The following DCPS variants were observed in gnomAD, a reference collection of about 807,000 sequenced individuals.
The protein encoded by DCPS is decapping enzyme, scavenger.
Under a neutral mutation model 34.7 loss-of-function variants are expected in DCPS, and 27 were observed. That is an observed-to-expected ratio of 0.78 (90% CI 0.57 to 1.07). DCPS has a LOEUF of 1.07. Among genes scored for constraint, DCPS ranks in the 50% least tolerant of loss-of-function variants. The pLI, the probability that DCPS is intolerant of heterozygous loss-of-function variation, is 0.00. For missense variants in DCPS, 464 were observed against 436.9 expected (o/e 1.06, Z -0.55); for synonymous variants, 185 against 185.7 (o/e 1.00, Z 0.03).
chr11:126,347,886 A>T lies in DCPS; in HGVS notation c.*2273A>T, dbSNP rs1951951669. Among the ~76,000 whole-genome samples the T allele has an allele frequency of 6.6e-6, 1 of 152,074 alleles. No homozygotes were observed. The highest frequency in any genetic ancestry group is 2.4e-5 in the African/African-American group (1 of 41,410). ...AGCAAACACGGTCTCCATCTCCAGC[A>T]CCACAACTGCCACGGAGCAGAGGGA... On this transcript the variant is annotated 3_prime_UTR_variant, in exon 6 of 6. Transcript: ENST00000263579. This position sits in a 1 kb window ranked among gnomAD's most constrained non-coding sequence, Gnocchi z 4.2.
At position 126,322,190 on chromosome 11, in the gene DCPS, A is replaced by G. The variant is rs927903220; in HGVS notation, c.377-9215A>G. Reference sequence around the variant, plus strand: ...CATCAGGGCATTGGAGACAGAAGAAAACAGGTCACAAAGAACTGGGCATCA... The same window carrying G: ...CATCAGGGCATTGGAGACAGAAGAAGACAGGTCACAAAGAACTGGGCATCA... On this transcript the variant is annotated intron_variant, in intron 2 of 5. Coordinates refer to ENST00000263579, the MANE Select transcript of DCPS (RefSeq NM_014026.6). This position sits in a 1 kb window ranked among gnomAD's most constrained non-coding sequence, Gnocchi z 4.2. 7.9e-5 allele frequency among the ~76,000 whole-genome samples: 12 copies of G among 152,222 alleles called. No homozygotes were observed. Among genetic ancestry groups the G allele is most frequent in the African/African-American group, 2.9e-4 (12 of 41,468 alleles).
chr11:126,330,825 C>T (rs1951783970), intron 2 of DCPS, among the ~76,000 whole-genome samples: 1 of 144,822 alleles, frequency 6.9e-6, no homozygotes, highest in Non-Finnish European at 1.5e-5. Flanking sequence ...CAACCTCTGC[C>T]TCCCAGGTTC....
chr11:126,306,387 G>C (rs1183100064), intron 1 of DCPS, among the ~76,000 whole-genome samples, 183 bp from the exon 2 acceptor site: 1 of 151,916 alleles, frequency 6.6e-6, no homozygotes. Context: ...AAAAAAAGAT[G>C]CCTTCTCTGA....
intron 2 of DCPS, among the ~76,000 whole-genome samples, chr11:126,324,013 G>A (rs1301429743): frequency 6.6e-6 from 1 of 151,892 alleles, no homozygotes; most frequent in Non-Finnish European, 1.5e-5. Flanking sequence ...TTGTGTTTTT[G>A]TAGAGATGGG....
Position 126,305,613 on chromosome 11 carries a change from G to T in DCPS, c.202-957G>T, listed in dbSNP as rs2135306537. Among the ~76,000 whole-genome samples the T allele has an allele frequency of 3.3e-5, 5 of 150,788 alleles. No individual in the cohort carries two copies. The South Asian group carries it at 1.0e-3, about 32-fold the overall frequency. ...TTTTCGTATTTTTAGTAGAGACAGG[G>T]TTTCACCATGTTGGCCAGGCTGGTC... On this transcript the variant is annotated intron_variant, in intron 1 of 5. Transcript: ENST00000263579.
chr11:126,340,323 AT>A (rs1951866495), intron 4 of DCPS, among the ~76,000 whole-genome samples: 1 of 151,678 alleles, frequency 6.6e-6, no homozygotes, highest in Non-Finnish European at 1.5e-5. Context: ...CATTTGCTTA[AT>A]TCTTTTTTTT....
chr11:126,308,626 C>T (rs1407645070), intron 2 of DCPS, among the ~76,000 whole-genome samples: 3 of 152,188 alleles, frequency 2.0e-5, no homozygotes, highest in Admixed American at 6.5e-5. Flanking sequence ...CAGAAGGCAC[C>T]GTGGCCAAAC....
In DCPS at chr11:126,328,655, G is replaced by C. The variant is rs11220453; in HGVS notation, c.377-2750G>C. 0.01 allele frequency among the ~76,000 whole-genome samples: 1,535 copies of C among 152,228 alleles called. 24 individuals are homozygous for C. The highest frequency in any genetic ancestry group is 0.035 in the African/African-American group (1,435 of 41,532). ...AGCAGCCAGGAGCCCCAGGCTGGGA[G>C]CCCGGCTGGGTGACCCTGCCCGCAG... On this transcript the variant is annotated intron_variant, in intron 2 of 5. Coordinates refer to ENST00000263579, the MANE Select transcript of DCPS (RefSeq NM_014026.6). This position sits in a 1 kb window ranked among gnomAD's most constrained non-coding sequence, Gnocchi z 6.6.
At position 126,339,412 on chromosome 11, in the gene DCPS, G is replaced by A. The variant is rs147907117; in HGVS notation, c.636+1013G>A. Among the ~76,000 whole-genome samples the A allele has an allele frequency of 9.2e-4, 140 of 152,358 alleles. 3 individuals carry two copies. In the East Asian group the frequency reaches 0.021, roughly 23 times the overall value. On this transcript the variant is annotated intron_variant, in intron 4 of 5. Coordinates refer to ENST00000263579, the MANE Select transcript of DCPS (RefSeq NM_014026.6). ...GCCCCTCCGCGGGCTCGCTCCCTGT[G>A]CTTTCCCAGTTGTGGCTGCCTATGA...
chr11:126,336,031 G>A lies in DCPS; in HGVS notation c.523-2255G>A, dbSNP rs528287248. On this transcript the variant is annotated intron_variant, in intron 3 of 5. Coordinates refer to ENST00000263579, the MANE Select transcript of DCPS (RefSeq NM_014026.6). This position sits in a 1 kb window ranked among gnomAD's most constrained non-coding sequence, Gnocchi z 6.3. ...TCCCAGCTACTGAGGCAAGAGAATCGCTTGAACCTGGGAGGCGGAGGTTGC... is the reference window on the plus strand; with the variant it reads ...TCCCAGCTACTGAGGCAAGAGAATCACTTGAACCTGGGAGGCGGAGGTTGC... Among the ~76,000 whole-genome samples the A allele has an allele frequency of 2.7e-5, 4 of 149,688 alleles. No individual in the cohort carries two copies. The highest frequency in any genetic ancestry group is 5.9e-5 in the Non-Finnish European group (4 of 67,752).
At position 126,311,013 on chromosome 11, in the gene DCPS, A is replaced by C. The variant is rs568922443; in HGVS notation, c.376+4269A>C. On this transcript the variant is annotated intron_variant, in intron 2 of 5. Coordinates refer to ENST00000263579, the MANE Select transcript of DCPS (RefSeq NM_014026.6). ...TTCTGGTATTCCTCTGGTCACTGGC[A>C]ACTTTCTTTTCCTCTTCAAGTCTGG... Among the ~76,000 whole-genome samples the C allele has an allele frequency of 3.0e-4, 46 of 152,068 alleles. No homozygotes were observed. The South Asian group carries it at 6.0e-3, about 20-fold the overall frequency.
rs1477234131 is a variant in DCPS, at chr11:126,327,822, C to T, written c.377-3583C>T. Among the ~76,000 whole-genome samples, 1 of 152,234 alleles carries T rather than the reference C, an allele frequency of 6.6e-6. No individual in the cohort carries two copies. Among genetic ancestry groups the T allele is most frequent in the East Asian group, 1.9e-4 (1 of 5,200 alleles). On this transcript the variant is annotated intron_variant, in intron 2 of 5. Transcript: ENST00000263579. This position sits in a 1 kb window ranked among gnomAD's most constrained non-coding sequence, Gnocchi z 4.1. ...CTGAGTGCTTACTGTATGCCAGGCA[C>T]TATTCCAGGTGCTGGGGACAAATTG...
At chr11:126,308,279 G>C (rs1422920792) in intron 2 of DCPS, among the ~76,000 whole-genome samples, 2 of 152,174 alleles carry the variant, frequency 1.3e-5, no homozygotes, top group Non-Finnish European at 2.9e-5. Flanking sequence ...TTGTTTTACA[G>C]CACATGGTGA....
In DCPS at chr11:126,349,063, G is replaced by C. The variant is rs1951964664; in HGVS notation, c.*3450G>C. The stretch of plus-strand genomic sequence containing the variant: ...AGGACCAGAGCTAGGCTCTGAATGA[G>C]GCCTCCTGGATCTCACGCAGGGGAT... On this transcript the variant is annotated 3_prime_UTR_variant, in exon 6 of 6. Coordinates refer to ENST00000263579, the MANE Select transcript of DCPS (RefSeq NM_014026.6). The surrounding 1 kb of genome is among the most constrained non-coding windows in gnomAD (Gnocchi z 5.4). Among the ~76,000 whole-genome samples the C allele has an allele frequency of 6.6e-6, 1 of 152,180 alleles. No individual in the cohort carries two copies. Among genetic ancestry groups the C allele is most frequent in the African/African-American group, 2.4e-5 (1 of 41,434 alleles).
rs1951752046 is a variant in DCPS, at chr11:126,327,823, T to C, written c.377-3582T>C. Among the ~76,000 whole-genome samples, 1 of 152,242 alleles carries C rather than the reference T, an allele frequency of 6.6e-6. No homozygotes were observed. The highest frequency in any genetic ancestry group is 1.5e-5 in the Non-Finnish European group (1 of 68,048). ...TGAGTGCTTACTGTATGCCAGGCAC[T>C]ATTCCAGGTGCTGGGGACAAATTGT... On this transcript the variant is annotated intron_variant, in intron 2 of 5. Transcript: ENST00000263579. This position sits in a 1 kb window ranked among gnomAD's most constrained non-coding sequence, Gnocchi z 4.1.
intron 1 of DCPS, among the ~76,000 whole-genome samples, chr11:126,305,052 G>A (rs1257517016): frequency 6.6e-6 from 1 of 152,134 alleles, no homozygotes; most frequent in African/African-American, 2.4e-5. Context: ...GGAGGATCAG[G>A]GAACCTTGGC....
rs560903291 is a variant in DCPS at position 126,325,038 on chromosome 11, C to T, written c.377-6367C>T. 1.4e-4 allele frequency among the ~76,000 whole-genome samples: 22 copies of T among 152,024 alleles called. No homozygotes were observed. The highest frequency in any genetic ancestry group is 4.8e-4 in the African/African-American group (20 of 41,464). On this transcript the variant is annotated intron_variant, in intron 2 of 5. Transcript: ENST00000263579. The surrounding 1 kb of genome is among the most constrained non-coding windows in gnomAD (Gnocchi z 4.3). Reference sequence around the variant, plus strand: ...TCTCTACTAAAAATACAAAAATTAGCGGGGCATGGTGGTGGGCACCTGTAA... The same window carrying T: ...TCTCTACTAAAAATACAAAAATTAGTGGGGCATGGTGGTGGGCACCTGTAA...
Position 126,312,682 on chromosome 11 carries a change from A to T in DCPS, c.376+5938A>T, listed in dbSNP as rs562479251. Among the ~76,000 whole-genome samples the T allele has an allele frequency of 8.5e-5, 13 of 152,076 alleles. No homozygotes were observed. The highest frequency in any genetic ancestry group is 3.1e-4 in the African/African-American group (13 of 41,478). On this transcript the variant is annotated intron_variant, in intron 2 of 5. Transcript: ENST00000263579. The surrounding 1 kb of genome is among the most constrained non-coding windows in gnomAD (Gnocchi z 5.1). The stretch of plus-strand genomic sequence containing the variant: ...ATGCTGGTCTTAATCCCCTAAATTG[A>T]CTTCATGGCCACTGTCCTGGATTAG...
chr11:126,339,741 TGAA>T (rs1383224340), intron 4 of DCPS, among the ~76,000 whole-genome samples: 2 of 152,086 alleles, frequency 1.3e-5, no homozygotes, highest in Non-Finnish European at 2.9e-5. Flanking sequence ...CTTCAGGCCT[TGAA>T]GGAGGGAGCC....
Sources: gnomAD v4.1 joint callset for allele counts (sites outside exome capture counted in the v4.1 genomes callset) on GRCh38, gnomAD v4.1.1 for gene constraint, Gnocchi (gnomAD v3.1) non-coding constraint, MANE v1.5 for transcripts, NCBI Gene and HGNC (gene_info 2026-07-23, HGNC 2026-07-21) for gene names.